Variants in TLE1 observed in about 807,000 individuals in gnomAD.
The protein encoded by TLE1 is transducin-like enhancer protein 1.
In TLE1, 21 loss-of-function variants were observed where a neutral mutation model predicts 89.8. The ratio of observed to expected loss-of-function variants is 0.23; its 90% CI spans 0.17 to 0.34. The LOEUF is 0.34. Ranked by LOEUF, TLE1 falls within the 10% of genes least tolerant of loss-of-function variation. The pLI is 1.00. For missense variants in TLE1, 795 were observed against 1,031.2 expected, an observed-to-expected ratio of 0.77 and a Z score of 3.14; for synonymous variants, 447 against 407.6, an observed-to-expected ratio of 1.10 and a Z score of -1.16.
intron 4 of TLE1, among the ~76,000 whole-genome samples, chr9:81,678,298 C>T (rs1833155319): frequency 6.6e-6 from 1 of 152,200 alleles, no homozygotes. Context: ...AACCTCCCCA[C>T]TCCTGGGATC....
intron 5 of TLE1, 50 bp downstream of exon 5, chr9:81,653,924 A>C (rs1353487465): frequency 2.6e-6 from 4 of 1,557,516 alleles, no homozygotes; most frequent in Non-Finnish European, 3.5e-6. Context: ...CTAATTTGCA[A>C]ACAGAGAAGC....
At chr9:81,638,671 C>T (rs1827712145) in intron 6 of TLE1, among the ~76,000 whole-genome samples, 2 of 152,216 alleles carry the variant, frequency 1.3e-5, no homozygotes, top group Admixed American at 1.3e-4. Flanking sequence ...GTTGCCCAGG[C>T]TGGAATACAG....
chr9:81,668,364 C>T (rs939491039), intron 4 of TLE1, among the ~76,000 whole-genome samples: 1 of 151,984 alleles, frequency 6.6e-6, no homozygotes, highest in Non-Finnish European at 1.5e-5. Flanking sequence ...CAAAGCATAA[C>T]CTTTGGAAAA....
chr9:81,684,565 A>G (rs1035434105), intron 4 of TLE1, among the ~76,000 whole-genome samples: 1 of 152,246 alleles, frequency 6.6e-6, no homozygotes, highest in Non-Finnish European at 1.5e-5. Flanking sequence ...GTCTTTGAAT[A>G]TAAGGAAGAT....
At chr9:81,606,708 T>C (rs1176800243) in intron 14 of TLE1, among the ~76,000 whole-genome samples, 1 of 151,682 alleles carries the variant, frequency 6.6e-6, no homozygotes, top group Non-Finnish European at 1.5e-5. Flanking sequence ...AAAACCAACA[T>C]GGCACATGTA....
intron 16 of TLE1, among the ~76,000 whole-genome samples, chr9:81,588,601 C>T (rs751544614): frequency 3.9e-5 from 6 of 152,136 alleles, no homozygotes; most frequent in Non-Finnish European, 7.3e-5. Flanking sequence ...CCATCAGAAA[C>T]GATCAGCCAA....
At position 81,634,105 on chromosome 9, in the gene TLE1, T is replaced by A; in HGVS notation, c.569A>T (p.His190Leu). 1 of 1,607,898 alleles carries A rather than the reference T, an allele frequency of 6.2e-7. No homozygotes were observed. Among genetic ancestry groups the A allele is most frequent in the Non-Finnish European group, 8.5e-7 (1 of 1,176,730 alleles). Residue 190 changes from histidine to leucine, a missense_variant, in exon 7 of 20, where the codon CAC becomes CTC. Coordinates refer to ENST00000376499, the MANE Select transcript of TLE1 (RefSeq NM_005077.5). ...KDDKKHHDAE[H>L]HRDREPGTSN... The stretch of plus-strand genomic sequence containing the variant: ...CTTGCCCGGCCTCTCACCTCTGTGG[T>A]GCTCTGCATCGTGGTGCTTCTTGTC...
At chr9:81,588,769 T>C (rs2131785088) in intron 16 of TLE1, among the ~76,000 whole-genome samples, 1 of 152,196 alleles carries the variant, frequency 6.6e-6, no homozygotes, top group South Asian at 2.1e-4. Context: ...GAGCAAAGTC[T>C]AGACCCACCC....
At chr9:81,659,868 A>G (rs1008697061) in intron 4 of TLE1, among the ~76,000 whole-genome samples, 2 of 152,152 alleles carry the variant, frequency 1.3e-5, no homozygotes, top group African/African-American at 4.8e-5. Context: ...TGTAAGGTAT[A>G]CTATTCCAAA....
At chr9:81,672,771 A>G (rs1832391557) in intron 4 of TLE1, among the ~76,000 whole-genome samples, 3 of 152,166 alleles carry the variant, frequency 2.0e-5, no homozygotes, top group Admixed American at 1.3e-4. Flanking sequence ...TTCGAAAGAA[A>G]AACTCTGAAA....
intron 6 of TLE1, among the ~76,000 whole-genome samples, chr9:81,646,505 A>G (rs902798962): frequency 1.1e-4 from 17 of 152,186 alleles, no homozygotes; most frequent in African/African-American, 2.9e-4. Context: ...TTTGTTTTAT[A>G]AAGAAACTTA....
chr9:81,663,912 C>T (rs1831144340), intron 4 of TLE1, among the ~76,000 whole-genome samples: 2 of 152,090 alleles, frequency 1.3e-5, no homozygotes, highest in Non-Finnish European at 2.9e-5. Flanking sequence ...GTGTGAGCCA[C>T]CACACCTGGC....
At chr9:81,625,717 A>G (rs936354178) in intron 8 of TLE1, among the ~76,000 whole-genome samples, 2 of 152,124 alleles carry the variant, frequency 1.3e-5, no homozygotes, top group Non-Finnish European at 2.9e-5. Flanking sequence ...CTGACCATTC[A>G]ACACAAGTGA....
intron 4 of TLE1, among the ~76,000 whole-genome samples, chr9:81,665,378 T>C (rs1369991972): frequency 1.3e-5 from 2 of 152,196 alleles, no homozygotes; most frequent in Non-Finnish European, 2.9e-5. Flanking sequence ...TAATAACTTT[T>C]ATGTTCCATC....
Position 81,583,905 on chromosome 9 carries a change from CAGAA to C in TLE1, c.*289_*292del, listed in dbSNP as rs1255365595. ...GGCAAGGCGTGATCCCCAGATCACC[CAGAA>C]AGAAAGAATGGGCTGTCATGTGAGT... On this transcript the variant is annotated 3_prime_UTR_variant, in exon 20 of 20. Transcript: ENST00000376499. 5.5e-6 allele frequency: 2 copies of C among 364,562 alleles called. No homozygotes were observed. The highest frequency in any genetic ancestry group is 4.1e-5 in the African/African-American group (2 of 49,304). The allele number at this position is 364,562 out of a possible 1,614,324, so 22.6% of individuals were successfully genotyped here. A position where few individuals can be genotyped will look rare whatever the true frequency, so the allele number is the denominator to read the frequency against.
intron 11 of TLE1, among the ~76,000 whole-genome samples, chr9:81,613,732 C>A (rs1029239470): frequency 6.6e-6 from 1 of 152,048 alleles, no homozygotes; most frequent in African/African-American, 2.4e-5. Context: ...GCTAGAGACA[C>A]AGAACATGAT....
intron 6 of TLE1, among the ~76,000 whole-genome samples, chr9:81,646,521 G>A (rs908447604): frequency 1.3e-4 from 20 of 152,116 alleles, no homozygotes; most frequent in South Asian, 4.2e-4. Flanking sequence ...ACTTACAGCT[G>A]GGTTACTGAT....
intron 14 of TLE1, chr9:81,599,861 A>G: frequency 2.3e-6 from 1 of 425,968 alleles, no homozygotes; most frequent in Non-Finnish European, 4.2e-6. Context: ...AGGTTGGGAG[A>G]CTCTTTGTTT....
chr9:81,621,934 G>A (rs939605909), intron 8 of TLE1, among the ~76,000 whole-genome samples: 1 of 152,178 alleles, frequency 6.6e-6, no homozygotes, highest in Admixed American at 6.5e-5. Context: ...GATAAAAGCA[G>A]CTGGGAGGGA....
Sources: gnomAD v4.1 joint callset for allele counts (sites outside exome capture counted in the v4.1 genomes callset) on GRCh38, gnomAD v4.1.1 for gene constraint, MANE v1.5 for transcripts, NCBI Gene and HGNC (gene_info 2026-07-23, HGNC 2026-07-21) for gene names.